Variants in PAGR1 observed in about 807,000 individuals in gnomAD.
PAGR1 encodes the protein PAXIP1-associated glutamate-rich protein 1.
In PAGR1, 20 loss-of-function variants were observed where a neutral mutation model predicts 22.4. The observed-to-expected ratio is 0.89, with a 90% CI of 0.63 to 1.30. The LOEUF is 1.30. PAGR1 is among the 50% of genes most tolerant of loss of function. The pLI, the probability that PAGR1 is intolerant of heterozygous loss-of-function variation, is 0.00. For synonymous variants in PAGR1, 161 were observed against 148.3 expected, an observed-to-expected ratio of 1.09 and a Z score of -0.62; for missense variants, 338 against 343.6, an observed-to-expected ratio of 0.98 and a Z score of 0.13.
Position 29,816,787 on chromosome 16 carries a change from T to C in PAGR1, c.262T>C (p.Cys88Arg). The C allele has an allele frequency of 6.3e-7, 1 of 1,576,472 alleles. No homozygotes were observed. The change falls in exon 1 of 3, where the codon TGC becomes CGC. Residue 88 changes from cysteine to arginine, a missense_variant. Coordinates refer to ENST00000320330, the MANE Select transcript of PAGR1 (RefSeq NM_024516.4). ...EPAEEDSEDWCVPCSDEEVEL... is the reference protein window; with the variant it reads ...EPAEEDSEDWRVPCSDEEVEL... ...TGCCGAGGAGGACTCCGAGGACTGG[T>C]GCGTGCCCTGCAGCGACGAGGAGGT...
rs1350554568 is a variant in PAGR1, at chr16:29,819,886, A to C, written c.*132A>C. ...AAGCTCCCAAACAGCACGTTGCGGGAAAGAGGAAGAGAGAGTGTGAGTGTG... is the reference window on the plus strand; with the variant it reads ...AAGCTCCCAAACAGCACGTTGCGGGCAAGAGGAAGAGAGAGTGTGAGTGTG... On this transcript the variant is annotated 3_prime_UTR_variant, in exon 3 of 3. Transcript: ENST00000320330. 2.0e-6 allele frequency: 2 copies of C among 996,684 alleles called. No homozygotes were observed. Among genetic ancestry groups the C allele is most frequent in the Non-Finnish European group, 2.9e-6 (2 of 696,864 alleles). The allele number at this position is 996,684 out of a possible 1,614,324, so 61.7% of individuals were successfully genotyped here. A position where few individuals can be genotyped will look rare whatever the true frequency, so the allele number is the denominator to read the frequency against.
Position 29,819,557 on chromosome 16 carries a change from A to C in PAGR1, c.568A>C (p.Ser190Arg). 6.2e-7 allele frequency: 1 copy of C among 1,614,044 alleles called. No homozygotes were observed. The highest frequency in any genetic ancestry group is 8.5e-7 in the Non-Finnish European group (1 of 1,179,994). Residue 190 changes from serine (S) to arginine (R), a missense_variant and splice_region_variant, in exon 3 of 3, where the codon AGC becomes CGC. Physicochemically the swap from Ser to Arg is moderately radical, Grantham distance 110. Coordinates refer to ENST00000320330, the MANE Select transcript of PAGR1 (RefSeq NM_024516.4). ...SLIDRRRTPGSSARSQKREAR... is the reference protein window; with the variant it reads ...SLIDRRRTPGRSARSQKREAR... ...TATCTTACCTTCCTCTTCTCCAGGA[A>C]GCTCAGCCCGGAGCCAGAAACGGGA...
At chr16:29,819,435 A>C (rs1260606270) in intron 2 of PAGR1, 120 bp from the exon 3 acceptor site, 1 of 1,029,182 alleles carries the variant, frequency 9.7e-7, no homozygotes, top group Non-Finnish European at 1.5e-6. Flanking sequence ...CAGGTCCTCC[A>C]AGACAGAGGC....
intron 1 of PAGR1, 71 bp downstream of exon 1, chr16:29,817,078 A>G: frequency 2.6e-6 from 4 of 1,559,216 alleles, no homozygotes; most frequent in Non-Finnish European, 2.6e-6. Context: ...GGAGGGGAAA[A>G]TGTGGGACGC....
At chr16:29,817,136 C>G in intron 1 of PAGR1, 74 bp from the exon 2 acceptor site, 3 of 1,602,638 alleles carry the variant, frequency 1.9e-6, no homozygotes, top group African/African-American at 1.3e-5. Flanking sequence ...GGAGGAGGAA[C>G]GGGCAGGGGA....
chr16:29,819,717 C>G lies in PAGR1; in HGVS notation c.728C>G (p.Ser243Cys). 3.1e-6 allele frequency: 5 copies of G among 1,613,506 alleles called. No homozygotes were observed. The highest frequency in any genetic ancestry group is 1.3e-5 in the African/African-American group (1 of 75,040). Residue 243 changes from serine to cysteine, a missense_variant, in exon 3 of 3, where the codon TCC becomes TGC. Ser to Cys is a moderately radical substitution (Grantham distance 112). Around this residue, in one of 3 missense-constraint regions of PAGR1, gnomAD observed 52 missense variants for 44.5 expected, o/e 1.17. Transcript: ENST00000320330. ...CCCGCCAGCCCCCCACTCCGATCCT[C>G]CGGGAGTAGTCTCTTCCCTCGGCAG... ...PSPASPPLRS[S>C]GSSLFPRQRK...
chr16:29,819,852 A>AG lies in PAGR1; in HGVS notation c.*99dup. On this transcript the variant is annotated 3_prime_UTR_variant, in exon 3 of 3. Coordinates refer to ENST00000320330, the MANE Select transcript of PAGR1 (RefSeq NM_024516.4). Reference sequence around the variant, plus strand: ...ACATTGAGAAACTTGGGAAGAAGAGAGAAACCTCAAGCTCCCAAACAGCAC... The same window carrying AG: ...ACATTGAGAAACTTGGGAAGAAGAGAGGAAACCTCAAGCTCCCAAACAGCAC... The AG allele has an allele frequency of 7.6e-7, 1 of 1,314,664 alleles. No individual in the cohort carries two copies. The highest frequency in any genetic ancestry group is 1.0e-6 in the Non-Finnish European group (1 of 974,822). The allele number at this position is 1,314,664 out of a possible 1,614,324, so 81.4% of individuals were successfully genotyped here.
chr16:29,817,607 G>A (rs1290709938), intron 2 of PAGR1, among the ~76,000 whole-genome samples: 1 of 150,706 alleles, frequency 6.6e-6, no homozygotes, highest in African/African-American at 2.4e-5. Context: ...CCAAGTAGCT[G>A]GGATTACAGA....
rs767273972 is a variant in PAGR1 at position 29,816,514 on chromosome 16, C to T, written c.-12C>T. On this transcript the variant is annotated 5_prime_UTR_variant, in exon 1 of 3. Transcript: ENST00000320330. ...AGTATCTGTCGTCGCAGGGTCCCTG[C>T]CCTAGTGGCCTATGTCCCTTGCTCG... The T allele has an allele frequency of 7.4e-6, 11 of 1,495,966 alleles. 1 individual carries two copies. In the South Asian group the frequency reaches 1.1e-4, roughly 15 times the overall value. The allele number at this position is 1,495,966 out of a possible 1,614,324, so 92.7% of individuals were successfully genotyped here. A position where few individuals can be genotyped will look rare whatever the true frequency, so the allele number is the denominator to read the frequency against.
chr16:29,819,493 C>T lies in PAGR1; in HGVS notation c.566-62C>T, dbSNP rs981603849. The T allele has an allele frequency of 1.3e-5, 20 of 1,554,534 alleles. No individual in the cohort carries two copies. The Admixed American group carries it at 3.0e-4, about 24-fold the overall frequency. ...AGCTCCCCAAGTGATGAGTGAGGTC[C>T]AGGCAGGTATGGTGTACACCACCTC... On this transcript the variant is annotated intron_variant, in intron 2 of 2. Coordinates refer to ENST00000320330, the MANE Select transcript of PAGR1 (RefSeq NM_024516.4).
intron 2 of PAGR1, among the ~76,000 whole-genome samples, chr16:29,819,101 T>C (rs1307865148): frequency 6.6e-6 from 1 of 151,896 alleles, no homozygotes; most frequent in Non-Finnish European, 1.5e-5. Flanking sequence ...GTTCAAGCGA[T>C]TCTTCTGCCT....
chr16:29,817,305 A>T lies in PAGR1; in HGVS notation c.565+13A>T. 6.2e-7 allele frequency: 1 copy of T among 1,613,592 alleles called. No homozygotes were observed. The highest frequency in any genetic ancestry group is 8.5e-7 in the Non-Finnish European group (1 of 1,179,632). The stretch of plus-strand genomic sequence containing the variant: ...AGACGCACCCCAGGTACAAACGAAG[A>T]GGAAACAGTTGGGGGAGGTGAAGGG... On this transcript the variant is annotated intron_variant, in intron 2 of 2. Transcript: ENST00000320330.
chr16:29,822,359 T>C lies in PAGR1; in HGVS notation c.*2605T>C, dbSNP rs189455120. On this transcript the variant is annotated 3_prime_UTR_variant, in exon 3 of 3. Coordinates refer to ENST00000320330, the MANE Select transcript of PAGR1 (RefSeq NM_024516.4). Reference sequence around the variant, plus strand: ...AGTAATTTATGAGACACATTCTCAATTTCCATTAATCATCTCCTAAAGGGG... The same window carrying C: ...AGTAATTTATGAGACACATTCTCAACTTCCATTAATCATCTCCTAAAGGGG... Among the ~76,000 whole-genome samples, 628 of 151,812 alleles carry C rather than the reference T, an allele frequency of 4.1e-3. 2 individuals carry two copies. Among genetic ancestry groups the C allele is most frequent in the Non-Finnish European group, 5.9e-3 (398 of 67,920 alleles).
rs1190271079 is a variant in PAGR1, at chr16:29,822,061, G to C, written c.*2307G>C. Reference sequence around the variant, plus strand: ...AGCAACATAGCGAGACCCTGTCTCTGTTTGTGTGTGTGTGGTTGGGGTTTT... The same window carrying C: ...AGCAACATAGCGAGACCCTGTCTCTCTTTGTGTGTGTGTGGTTGGGGTTTT... On this transcript the variant is annotated 3_prime_UTR_variant, in exon 3 of 3. Transcript: ENST00000320330. 6.6e-6 allele frequency among the ~76,000 whole-genome samples: 1 copy of C among 151,000 alleles called. No individual in the cohort carries two copies. Among genetic ancestry groups the C allele is most frequent in the African/African-American group, 2.4e-5 (1 of 41,130 alleles).
chr16:29,816,743 G>A lies in PAGR1; in HGVS notation c.218G>A (p.Ser73Asn), dbSNP rs112242011. The A allele has an allele frequency of 1.3e-6, 2 of 1,599,386 alleles. No individual in the cohort carries two copies. The highest frequency in any genetic ancestry group is 2.7e-5 in the African/African-American group (2 of 74,812). Reference protein sequence around the residue: ...GGEEAQGEVPSAGGEEPAEED... With the variant: ...GGEEAQGEVPNAGGEEPAEED... ...GAGGAGGCGCAGGGAGAAGTCCCCAGCGCTGGGGGAGAAGAGCCTGCCGAG... is the reference window on the plus strand; with the variant it reads ...GAGGAGGCGCAGGGAGAAGTCCCCAACGCTGGGGGAGAAGAGCCTGCCGAG... The change falls in exon 1 of 3, where the codon AGC (serine) becomes AAC (asparagine). Residue 73 changes from serine (S) to asparagine (N), a missense_variant. By Grantham distance (46) the Ser-to-Asn change is conservative. Coordinates refer to ENST00000320330, the MANE Select transcript of PAGR1 (RefSeq NM_024516.4).
Position 29,821,142 on chromosome 16 carries a change from G to C in PAGR1, c.*1388G>C, listed in dbSNP as rs1301497986. 1 of 152,260 alleles carries C rather than the reference G, an allele frequency of 6.6e-6. No homozygotes were observed. The highest frequency in any genetic ancestry group is 2.1e-4 in the South Asian group (1 of 4,840). The allele number at this position is 152,260 out of a possible 1,614,324, so 9.4% of individuals were successfully genotyped here. ...GATGCTCAGCTGGACCCACCAGCCT[G>C]AGATTCTGGGGATTTTAGAGCTGTC... On this transcript the variant is annotated 3_prime_UTR_variant, in exon 3 of 3. Coordinates refer to ENST00000320330, the MANE Select transcript of PAGR1 (RefSeq NM_024516.4).
chr16:29,819,543 C>G lies in PAGR1; in HGVS notation c.566-12C>G, dbSNP rs1326844530. 3 of 1,613,766 alleles carry G rather than the reference C, an allele frequency of 1.9e-6. No homozygotes were observed. Among genetic ancestry groups the G allele is most frequent in the Non-Finnish European group, 2.5e-6 (3 of 1,179,940 alleles). ...CCATCCCTTCCATGTATCTTACCTT[C>G]CTCTTCTCCAGGAAGCTCAGCCCGG... On this transcript the variant is annotated splice_polypyrimidine_tract_variant and intron_variant, in intron 2 of 2. Transcript: ENST00000320330.
chr16:29,816,846 C>T lies in PAGR1; in HGVS notation c.321C>T (p.Pro107=). The T allele has an allele frequency of 6.4e-7, 1 of 1,561,490 alleles. No individual in the cohort carries two copies. The highest frequency in any genetic ancestry group is 8.7e-7 in the Non-Finnish European group (1 of 1,153,910). ...CTGCGGATGGGCAGCCCTGGATGCCCCCGCCCTCCGAAATCCAGCGGCTCT... is the reference window on the plus strand; with the variant it reads ...CTGCGGATGGGCAGCCCTGGATGCCTCCGCCCTCCGAAATCCAGCGGCTCT... ...ELPADGQPWM[P]PPSEIQRLYE... Residue 107 remains proline, a synonymous_variant, in exon 1 of 3, where the codon CCC becomes CCT. Transcript: ENST00000320330.
chr16:29,817,770 C>T (rs1191244459), intron 2 of PAGR1, among the ~76,000 whole-genome samples: 4 of 152,048 alleles, frequency 2.6e-5, no homozygotes, highest in East Asian at 1.9e-4. Context: ...ATGCGCCTGG[C>T]CCCTTGTCTT....
Sources: gnomAD v4.1 joint callset for allele counts (sites outside exome capture counted in the v4.1 genomes callset) on GRCh38, gnomAD v4.1.1 for gene constraint, gnomAD v4.1.1 regional missense constraint, MANE v1.5 for transcripts, NCBI Gene and HGNC (gene_info 2026-07-23, HGNC 2026-07-21) for gene names.